Variants in EYS observed in about 807,000 individuals in gnomAD.
The protein encoded by EYS is EGF-like photoreceptor maintenance factor, also known as protein eyes shut homolog.
In EYS, 250 loss-of-function variants were observed where a neutral mutation model predicts 282.1. That is an observed-to-expected ratio of 0.89 (90% CI 0.80 to 0.98). The LOEUF is 0.98. Among genes scored for constraint, EYS ranks in the 50% least tolerant of loss-of-function variants. EYS has a pLI of 0.00. For synonymous variants in EYS, 1,355 were observed against 1,282.9 expected, an observed-to-expected ratio of 1.06 and a Z score of -1.20; for missense variants, 4,016 against 3,709.0, an observed-to-expected ratio of 1.08 and a Z score of -2.15.
At chr6:65,004,579 C>G (rs1444406217) in intron 13 of EYS, among the ~76,000 whole-genome samples, 2 of 147,592 alleles carry the variant, frequency 1.4e-5, no homozygotes, top group African/African-American at 4.9e-5. Flanking sequence ...TTTCCAAATC[C>G]ATTTTCTCTC....
At chr6:64,695,055 T>C (rs1222776463) in intron 22 of EYS, among the ~76,000 whole-genome samples, 1 of 151,884 alleles carries the variant, frequency 6.6e-6, no homozygotes, top group African/African-American at 2.4e-5. Context: ...CTATGGAACA[T>C]TATTCTAGGG....
intron 37 of EYS, among the ~76,000 whole-genome samples, chr6:63,794,844 C>A (rs1770602604): frequency 6.6e-6 from 1 of 152,122 alleles, no homozygotes; most frequent in African/African-American, 2.4e-5. Context: ...AGAACACAAA[C>A]CCACAGTGAA....
intron 18 of EYS, among the ~76,000 whole-genome samples, chr6:64,898,061 C>A (rs1217108449): frequency 6.6e-6 from 1 of 152,094 alleles, no homozygotes; most frequent in African/African-American, 2.4e-5. Context: ...AACTTCCCCA[C>A]CTAGCAAGTC....
At chr6:65,591,267 T>A (rs971585111) in intron 2 of EYS, among the ~76,000 whole-genome samples, 2 of 151,948 alleles carry the variant, frequency 1.3e-5, no homozygotes, top group African/African-American at 4.8e-5. Flanking sequence ...AGTGGTGCCA[T>A]CACAGCTTAT....
At chr6:65,677,288 C>A (rs1768653086) in intron 1 of EYS, among the ~76,000 whole-genome samples, 1 of 151,602 alleles carries the variant, frequency 6.6e-6, no homozygotes, top group Non-Finnish European at 1.5e-5. Flanking sequence ...CAATTATATT[C>A]ACATAGGATA....
intron 35 of EYS, among the ~76,000 whole-genome samples, chr6:63,906,838 C>G (rs1389380763): frequency 1.1e-4 from 17 of 151,342 alleles, no homozygotes; most frequent in Admixed American, 1.1e-3. Flanking sequence ...TATACATATA[C>G]TATGTAAACA....
intron 12 of EYS, among the ~76,000 whole-genome samples, chr6:65,283,420 C>T (rs558897445): frequency 8.6e-4 from 131 of 151,972 alleles, no homozygotes; most frequent in African/African-American, 3.0e-3. Flanking sequence ...TATTTGTTAG[C>T]ATTTAGTAGC....
chr6:64,746,684 C>T (rs1389367225), intron 22 of EYS, among the ~76,000 whole-genome samples: 3 of 152,122 alleles, frequency 2.0e-5, no homozygotes, highest in African/African-American at 7.2e-5. Context: ...GAATTGGCTC[C>T]ACCACAAGGT....
chr6:64,379,751 T>C (rs1395371221), intron 29 of EYS: 1 of 152,124 alleles, frequency 6.6e-6, no homozygotes, highest in Non-Finnish European at 1.5e-5. Flanking sequence ...TGAGATAATA[T>C]CTTAATACAA....
intron 29 of EYS, among the ~76,000 whole-genome samples, chr6:64,382,746 GA>G (rs1678843313): frequency 6.6e-6 from 1 of 152,194 alleles, no homozygotes; most frequent in Admixed American, 6.5e-5. Context: ...GATTAAGAGA[GA>G]ATCTTGAGTG....
intron 24 of EYS, among the ~76,000 whole-genome samples, chr6:64,596,348 G>A (rs909875702): frequency 2.0e-5 from 3 of 152,150 alleles, no homozygotes; most frequent in Non-Finnish European, 2.9e-5. Context: ...ATTTTTCAGA[G>A]AGATAGGAAA....
At chr6:64,704,798 A>T (rs576175600) in intron 22 of EYS, among the ~76,000 whole-genome samples, 1 of 152,174 alleles carries the variant, frequency 6.6e-6, no homozygotes, top group African/African-American at 2.4e-5. Context: ...ACGACCATCA[A>T]ATATTGAAAA....
intron 14 of EYS, among the ~76,000 whole-genome samples, chr6:64,995,724 C>CT (rs1554225565): frequency 3.4e-4 from 51 of 148,982 alleles, no homozygotes; most frequent in Admixed American, 1.9e-3. Flanking sequence ...TTCCCCCCCG[C>CT]CCCATATTCT....
At chr6:64,799,104 T>A (rs1774454015) in intron 22 of EYS, among the ~76,000 whole-genome samples, 1 of 151,924 alleles carries the variant, frequency 6.6e-6, no homozygotes, top group Admixed American at 6.6e-5. Flanking sequence ...GGACCCTCTC[T>A]CATTGTTTAT....
chr6:64,847,209 C>T (rs75395058), intron 19 of EYS, among the ~76,000 whole-genome samples: 2,606 of 151,970 alleles, frequency 0.017, 75 homozygotes, highest in African/African-American at 0.06. Flanking sequence ...TAATTCCTTG[C>T]AATACAAAAT....
At chr6:65,118,708 C>T (rs1216120847) in intron 12 of EYS, among the ~76,000 whole-genome samples, 1 of 152,008 alleles carries the variant, frequency 6.6e-6, no homozygotes, top group East Asian at 1.9e-4. Flanking sequence ...AGTTGGAAAG[C>T]CACAAGAGAG....
chr6:64,449,513 A>G (rs1023335657), intron 26 of EYS, among the ~76,000 whole-genome samples: 8 of 152,158 alleles, frequency 5.3e-5, no homozygotes, highest in Non-Finnish European at 1.0e-4. Context: ...GAATGCCACA[A>G]AGATACTCCT....
chr6:65,139,923 G>A (rs1764285917), intron 12 of EYS, among the ~76,000 whole-genome samples: 1 of 152,062 alleles, frequency 6.6e-6, no homozygotes, highest in African/African-American at 2.4e-5. Flanking sequence ...AGCAGTGTCA[G>A]AGGATGCCAG....
intron 22 of EYS, among the ~76,000 whole-genome samples, chr6:64,700,065 A>G (rs62418057): frequency 0.057 from 8,616 of 152,144 alleles, 316 homozygotes; most frequent in East Asian, 0.15. Context: ...CCAGGGAACC[A>G]AGGATGGGTC....
Sources: gnomAD v4.1 joint callset for allele counts (sites outside exome capture counted in the v4.1 genomes callset) on GRCh38, gnomAD v4.1.1 for gene constraint, MANE v1.5 for transcripts, NCBI Gene and HGNC (gene_info 2026-07-23, HGNC 2026-07-21) for gene names.